OPHN1: variants seen among roughly 807,000 people sequenced by gnomAD.
OPHN1 encodes the protein oligophrenin 1, also known as oligophrenin-1.
A neutral mutation model predicts 60.7 loss-of-function variants in OPHN1; 11 were observed. The ratio of observed to expected loss-of-function variants is 0.18; its 90% confidence interval spans 0.11 to 0.30. The LOEUF is 0.30. Ranked by LOEUF, OPHN1 falls within the 10% of genes least tolerant of loss-of-function variation. The pLI, the probability that OPHN1 is intolerant of heterozygous loss-of-function variation, is 1.00. For synonymous variants in OPHN1, 226 were observed against 222.6 expected, an observed-to-expected ratio of 1.02 and a Z score of -0.14; for missense variants, 449 against 611.0, an observed-to-expected ratio of 0.73 and a Z score of 2.80.
intron 4 of OPHN1, among the ~76,000 whole-genome samples, chrX:68,281,570 G>GT (rs1352109266): frequency 7.2e-5 from 8 of 111,829 alleles, no homozygotes; most frequent in African/African-American, 2.6e-4. Flanking sequence ...AAATGTGTAA[G>GT]TTGGACTTCA....
At chrX:68,391,854 G>C (rs1386668654) in intron 2 of OPHN1, among the ~76,000 whole-genome samples, 4 of 111,291 alleles carry the variant, frequency 3.6e-5, no homozygotes, top group Non-Finnish European at 7.5e-5. Context: ...GCCACTTGAA[G>C]CTGAAAATGG....
chrX:68,137,692 G>C (rs1234912661), intron 15 of OPHN1, among the ~76,000 whole-genome samples: 2 of 111,885 alleles, frequency 1.8e-5, no homozygotes, highest in Non-Finnish European at 3.8e-5. Context: ...GAGTGAAATA[G>C]TTGTGCATTA....
At chrX:68,116,902 C>A (rs1048208474) in intron 16 of OPHN1, among the ~76,000 whole-genome samples, 2 of 111,396 alleles carry the variant, frequency 1.8e-5, no homozygotes, top group African/African-American at 6.5e-5. Context: ...TCTACTGCTA[C>A]TCCCTAGTCC....
At chrX:68,256,065 G>A (rs2077861733) in intron 5 of OPHN1, among the ~76,000 whole-genome samples, 1 of 110,833 alleles carries the variant, frequency 9.0e-6, no homozygotes, top group Non-Finnish European at 1.9e-5. Context: ...GTCTCCAAAA[G>A]GAAAGGACCT....
At chrX:68,389,613 A>G (rs2147753000) in intron 2 of OPHN1, among the ~76,000 whole-genome samples, 1 of 94,041 alleles carries the variant, frequency 1.1e-5, no homozygotes, top group East Asian at 3.5e-4. Flanking sequence ...ATAAATAAAT[A>G]AAATGTGTAA....
intron 16 of OPHN1, among the ~76,000 whole-genome samples, chrX:68,117,329 T>G (rs892046786): frequency 1.7e-4 from 19 of 111,974 alleles, no homozygotes; most frequent in South Asian, 3.8e-4. Flanking sequence ...CCAAAATGGG[T>G]GACGTCTTCC....
chrX:68,075,540 T>G (rs758213402), intron 19 of OPHN1, among the ~76,000 whole-genome samples: 1 of 110,499 alleles, frequency 9.0e-6, no homozygotes, highest in South Asian at 3.9e-4. Flanking sequence ...AAAACAATCT[T>G]GAAAAAGAAA....
At chrX:68,264,351 T>C (rs1449195912) in intron 5 of OPHN1, among the ~76,000 whole-genome samples, 4 of 111,499 alleles carry the variant, frequency 3.6e-5, no homozygotes, top group Admixed American at 9.5e-5. Context: ...TTTTGCAATC[T>C]ACTCATCTGA....
intron 2 of OPHN1, among the ~76,000 whole-genome samples, chrX:68,419,728 G>T (rs1411745403): frequency 9.2e-6 from 1 of 108,193 alleles, no homozygotes; most frequent in Non-Finnish European, 1.9e-5. Context: ...TTTTGTACAG[G>T]CAGGATTTCA....
intron 2 of OPHN1, among the ~76,000 whole-genome samples, chrX:68,363,262 T>TA (rs1024057170): frequency 4.5e-5 from 5 of 110,383 alleles, no homozygotes; most frequent in South Asian, 7.7e-4. Context: ...CAAATTTTTT[T>TA]AAAAAAAATT....
At chrX:68,192,610 T>C in intron 15 of OPHN1, 1 of 283,591 alleles carries the variant, frequency 3.5e-6, no homozygotes, top group Non-Finnish European at 6.3e-6. Context: ...AACTCAAAAG[T>C]ATTCACTGGA....
chrX:68,241,531 C>T (rs112897283), intron 5 of OPHN1, among the ~76,000 whole-genome samples: 446 of 111,487 alleles, frequency 4.0e-3, no homozygotes, highest in African/African-American at 0.013. Context: ...CAAAACAGAA[C>T]GCTATATGAT....
chrX:68,281,673 T>G (rs2078019949), intron 4 of OPHN1, among the ~76,000 whole-genome samples: 1 of 112,345 alleles, frequency 8.9e-6, no homozygotes, highest in Non-Finnish European at 1.9e-5. Flanking sequence ...AAATGCCTAT[T>G]GGATAAAGGT....
chrX:68,132,841 C>T (rs1478173536), intron 15 of OPHN1: 3 of 257,930 alleles, frequency 1.2e-5, no homozygotes, highest in East Asian at 1.6e-4. Context: ...CGAGTCCGCT[C>T]CCGGTCCCTG....
chrX:68,089,279 T>C (rs1336596321), intron 19 of OPHN1, among the ~76,000 whole-genome samples: 1 of 111,461 alleles, frequency 9.0e-6, no homozygotes, highest in Non-Finnish European at 1.9e-5. Context: ...AAATATATGA[T>C]ACAAGAAAAT....
intron 2 of OPHN1, among the ~76,000 whole-genome samples, chrX:68,352,927 T>A (rs1470747925): frequency 1.8e-5 from 2 of 110,122 alleles, no homozygotes; most frequent in Non-Finnish European, 3.8e-5. Context: ...CTGAGGCGAG[T>A]GGATTGCTGA....
At chrX:68,273,174 G>C (rs189281888) in intron 5 of OPHN1, among the ~76,000 whole-genome samples, 1 of 111,688 alleles carries the variant, frequency 9.0e-6, no homozygotes, top group African/African-American at 3.2e-5. Context: ...ACTTTGGGAG[G>C]CTGAGTTGGC....
chrX:68,403,723 G>A (rs2078726526), intron 2 of OPHN1, among the ~76,000 whole-genome samples: 1 of 110,161 alleles, frequency 9.1e-6, no homozygotes, highest in Admixed American at 9.9e-5. Context: ...TGTGCCTTGT[G>A]TACGATCCTA....
At chrX:68,157,600 G>A (rs1268249700) in intron 15 of OPHN1, among the ~76,000 whole-genome samples, 2 of 111,677 alleles carry the variant, frequency 1.8e-5, no homozygotes, top group East Asian at 2.8e-4. Context: ...AGAGGAGGGC[G>A]TGGGTTGAAA....
Sources: gnomAD v4.1 joint callset for allele counts (sites outside exome capture counted in the v4.1 genomes callset) on GRCh38, gnomAD v4.1.1 for gene constraint, MANE v1.5 for transcripts, NCBI Gene and HGNC (gene_info 2026-07-23, HGNC 2026-07-21) for gene names.